The following CLCN2 variants were observed in gnomAD, a reference collection of about 807,000 sequenced individuals.
CLCN2 encodes the protein chloride channel protein 2.
A neutral mutation model predicts 108.3 loss-of-function variants in CLCN2; 72 were observed. That is an observed-to-expected ratio of 0.66 (90% CI 0.55 to 0.81). The LOEUF (loss-of-function observed/expected upper bound fraction) is 0.81. Ranked by LOEUF, CLCN2 falls within the 30% of genes least tolerant of loss-of-function variation. The pLI, the probability that CLCN2 is intolerant of heterozygous loss-of-function variation, is 0.00. For synonymous variants in CLCN2, 471 were observed against 467.1 expected (o/e 1.01, Z -0.11); for missense variants, 1,048 against 1,205.2 (o/e 0.87, Z 1.93).
chr3:184,353,228 CG>C, intron 17 of CLCN2, 21 bp downstream of exon 17: 1 of 1,613,664 alleles, frequency 6.2e-7, no homozygotes, highest in Non-Finnish European at 8.5e-7. Context: ...ATTTAGGAAG[CG>C]TTTGTGGCTT....
In CLCN2 at chr3:184,353,367, C is replaced by T. The variant is rs1364821780; in HGVS notation, c.1911G>A (p.Gly637=). The T allele has an allele frequency of 2.5e-6, 4 of 1,613,028 alleles. No individual in the cohort carries two copies. The highest frequency in any genetic ancestry group is 2.7e-5 in the African/African-American group (2 of 75,040). ...IERSQVVALL[G]AQLSPARRRQ... ...GCCGGCGGGCTGGGCTCAGCTGGGC[C>T]CCCAACAATGCCACCACCTGTGAAC... The change falls in exon 17 of 24, where the codon GGG becomes GGA. Residue 637 remains glycine (G), a synonymous_variant. Coordinates refer to ENST00000265593, the MANE Select transcript of CLCN2 (RefSeq NM_004366.6).
chr3:184,355,601 G>A lies in CLCN2; in HGVS notation c.1171-72C>T. ...GGAAGAGGCCATGGGATCCCACGGG[G>A]AACAAGGGGTCCCACAGTCACACTG... On this transcript the variant is annotated intron_variant, in intron 11 of 23. Coordinates refer to ENST00000265593, the MANE Select transcript of CLCN2 (RefSeq NM_004366.6). The surrounding 1 kb of genome is among the most constrained non-coding windows in gnomAD (Gnocchi z 6.3). 3 of 1,603,408 alleles carry A rather than the reference G, an allele frequency of 1.9e-6. No individual in the cohort carries two copies. The highest frequency in any genetic ancestry group is 2.2e-5 in the East Asian group (1 of 44,820).
intron 1 of CLCN2, 149 bp from the exon 2 acceptor site, chr3:184,359,280 G>C (rs1711671049): frequency 1.0e-6 from 1 of 996,526 alleles, no homozygotes; most frequent in Non-Finnish European, 1.5e-6. Flanking sequence ...CCGAGGTGTG[G>C]GAACAATGCA....
chr3:184,352,486 G>C lies in CLCN2; in HGVS notation c.2228C>G (p.Ser743Cys), dbSNP rs967058477. 9 of 1,613,178 alleles carry C rather than the reference G, an allele frequency of 5.6e-6. No individual in the cohort carries two copies. The highest frequency in any genetic ancestry group is 7.6e-6 in the Non-Finnish European group (9 of 1,179,906). The change falls in exon 20 of 24, where the codon TCC becomes TGC. Residue 743 changes from serine (S) to cysteine (C), a missense_variant. By Grantham distance (112) the Ser-to-Cys change is moderately radical. Coordinates refer to ENST00000265593, the MANE Select transcript of CLCN2 (RefSeq NM_004366.6). ...ACGCTTCAGCTTGCGCTTCTCACAG[G>C]ATTCCAACTTCTTCAGTTTTGTTAG... is the stretch of plus-strand genomic sequence containing the variant. The part of the protein sequence containing the change: ...PPEAASEKLE[S>C]CEKRKLKRVR...
At chr3:184,347,517 G>A (rs1003843998) in intron 22 of CLCN2, 6 of 267,436 alleles carry the variant, frequency 2.2e-5, no homozygotes, top group Non-Finnish European at 4.4e-5. Flanking sequence ...GGAGAGGGAC[G>A]CACAACCCCA....
intron 17 of CLCN2, 39 bp from the exon 18 acceptor site, chr3:184,353,186 A>G: frequency 6.2e-7 from 1 of 1,612,762 alleles, no homozygotes; most frequent in Non-Finnish European, 8.5e-7. Flanking sequence ...CCACGGCCCC[A>G]GACCACCCTC....
intron 14 of CLCN2, 41 bp downstream of exon 14, chr3:184,354,507 T>TC (rs1560259397): frequency 7.5e-7 from 1 of 1,325,384 alleles, no homozygotes; most frequent in South Asian, 1.2e-5. Flanking sequence ...GGGGCGTGGG[T>TC]GGGGGGGTCT....
Position 184,358,175 on chromosome 3 carries a change from A to C in CLCN2, c.481+7T>G. 6.2e-7 allele frequency: 1 copy of C among 1,614,120 alleles called. No individual in the cohort carries two copies. The highest frequency in any genetic ancestry group is 8.5e-7 in the Non-Finnish European group (1 of 1,180,034). On this transcript the variant is annotated splice_region_variant and intron_variant, in intron 4 of 23. Coordinates refer to ENST00000265593, the MANE Select transcript of CLCN2 (RefSeq NM_004366.6). ...CGCCTCTGCCCTCCCCTTCTCTTCT[A>C]ACATACCGACAGCCTGAGGGGCCAG...
Position 184,354,328 on chromosome 3 carries a change from C to A in CLCN2, c.1508-14G>T. On this transcript the variant is annotated splice_polypyrimidine_tract_variant and intron_variant, in intron 14 of 23. Coordinates refer to ENST00000265593, the MANE Select transcript of CLCN2 (RefSeq NM_004366.6). ...GCGCAGCTGCCCCTGGGGACAGTCA[C>A]ACTCAGTCTCCTCAGGGTGCCCAGG... The A allele has an allele frequency of 6.2e-7, 1 of 1,611,936 alleles. No homozygotes were observed. Among genetic ancestry groups the A allele is most frequent in the Middle Eastern group, 1.6e-4 (1 of 6,062 alleles).
At chr3:184,352,576 GC>G in intron 19 of CLCN2, 80 bp from the exon 20 acceptor site, 1 of 1,517,650 alleles carries the variant, frequency 6.6e-7, no homozygotes. Flanking sequence ...AAGTGGTGGA[GC>G]CCAGGGGAAA....
chr3:184,348,998 C>CAG (rs1475456769), intron 22 of CLCN2: 2 of 152,168 alleles, frequency 1.3e-5, no homozygotes, highest in African/African-American at 4.8e-5. Flanking sequence ...GAGTACAGCC[C>CAG]AGACTCCCTA....
In CLCN2 at chr3:184,355,077, C is replaced by T; in HGVS notation, c.1327-104G>A. On this transcript the variant is annotated intron_variant, in intron 12 of 23. Transcript: ENST00000265593. The surrounding 1 kb of genome is among the most constrained non-coding windows in gnomAD (Gnocchi z 6.3). ...TACCTCGCTGATCAGGTGGGCGTAA[C>T]CCTCCCAGCCACCCCGTAACCCTCC... 8.8e-7 allele frequency: 1 copy of T among 1,135,146 alleles called. No homozygotes were observed. The highest frequency in any genetic ancestry group is 1.3e-6 in the Non-Finnish European group (1 of 759,588). The allele number at this position is 1,135,146 out of a possible 1,614,324, so 70.3% of individuals were successfully genotyped here. A position where few individuals can be genotyped will look rare whatever the true frequency, so the allele number is the denominator to read the frequency against.
chr3:184,361,532 TCGGCTCCCGGCCCGCAAAGTCCGCGC>T lies in CLCN2; in HGVS notation c.-79_-54del. 6.3e-7 allele frequency: 1 copy of T among 1,589,316 alleles called. No individual in the cohort carries two copies. The highest frequency in any genetic ancestry group is 1.1e-5 in the South Asian group (1 of 90,536). ...CGGCGGTTCCGGCTCTGTCCTGGAC[TCGGCTCCCGGCCCGCAAAGTCCGCGC>T]CGGCAGCCGTCCCGTCCCCGCAGCC... On this transcript the variant is annotated 5_prime_UTR_variant, in exon 1 of 24. Transcript: ENST00000265593. The surrounding 1 kb of genome is among the most constrained non-coding windows in gnomAD (Gnocchi z 6.6).
At chr3:184,354,743 G>A (rs1239857881) in intron 13 of CLCN2, 85 bp from the exon 14 acceptor site, 9 of 1,343,362 alleles carry the variant, frequency 6.7e-6, no homozygotes, top group Non-Finnish European at 8.5e-6. Context: ...AGAGGGTGAG[G>A]GAGGGGCCAA....
intron 18 of CLCN2, 62 bp from the exon 19 acceptor site, chr3:184,352,872 A>G (rs967069157): frequency 2.1e-5 from 33 of 1,596,524 alleles, no homozygotes; most frequent in Middle Eastern, 3.3e-4. Flanking sequence ...GGACCAGGAA[A>G]GGTAAGGAAG....
intron 22 of CLCN2, among the ~76,000 whole-genome samples, chr3:184,351,694 C>T (rs541458691): frequency 7.7e-4 from 117 of 152,342 alleles, no homozygotes; most frequent in African/African-American, 2.0e-3. Flanking sequence ...GGTGGCCTCC[C>T]GCCTAGCTCT....
At chr3:184,352,831 C>T (rs976115844) in intron 18 of CLCN2, 21 bp from the exon 19 acceptor site, 3 of 1,612,332 alleles carry the variant, frequency 1.9e-6, no homozygotes, top group South Asian at 1.1e-5. Flanking sequence ...AAACATAAGG[C>T]CCCAGGGGGC....
At position 184,361,595 on chromosome 3, in the gene CLCN2, G is replaced by A; in HGVS notation, c.-116C>T. 2.8e-6 allele frequency: 3 copies of A among 1,079,564 alleles called. No individual in the cohort carries two copies. Among genetic ancestry groups the A allele is most frequent in the Admixed American group, 5.7e-5 (2 of 35,170 alleles). The allele number at this position is 1,079,564 out of a possible 1,614,324, so 66.9% of individuals were successfully genotyped here. Reference sequence around the variant, plus strand: ...CCGTCCCCGCAGCCCGGGAGGCCGAGAGCAGAGTGCGGCGGGCCCCCGGCG... The same window carrying A: ...CCGTCCCCGCAGCCCGGGAGGCCGAAAGCAGAGTGCGGCGGGCCCCCGGCG... On this transcript the variant is annotated 5_prime_UTR_variant, in exon 1 of 24. Transcript: ENST00000265593. The surrounding 1 kb of genome is among the most constrained non-coding windows in gnomAD (Gnocchi z 6.6).
At chr3:184,353,486 C>T in intron 16 of CLCN2, 64 bp from the exon 17 acceptor site, 4 of 1,555,562 alleles carry the variant, frequency 2.6e-6, no homozygotes, top group Non-Finnish European at 3.5e-6. Flanking sequence ...GTCCTTCTCT[C>T]ACACTCAGAG....
Sources: gnomAD v4.1 joint callset for allele counts (sites outside exome capture counted in the v4.1 genomes callset) on GRCh38, gnomAD v4.1.1 for gene constraint, Gnocchi (gnomAD v3.1) non-coding constraint, MANE v1.5 for transcripts, NCBI Gene and HGNC (gene_info 2026-07-23, HGNC 2026-07-21) for gene names.